Variants in GADL1 observed in about 807,000 individuals in gnomAD.
GADL1 encodes GAD like acidic amino acid decarboxylase 1.
A neutral mutation model predicts 69.5 loss-of-function variants in GADL1; 71 were observed. That is an observed-to-expected ratio of 1.02 (90% CI 0.84 to 1.25). GADL1 has a LOEUF of 1.25. GADL1 is among the 50% of genes most tolerant of loss of function. The pLI, the probability that GADL1 is intolerant of heterozygous loss-of-function variation, is 0.00. For missense variants in GADL1, 737 were observed against 631.8 expected (o/e 1.17, Z -1.79); for synonymous variants, 254 against 214.4 (o/e 1.18, Z -1.62).
chr3:30,838,949 A>C, intron 9 of GADL1, 48 bp downstream of exon 9: 1 of 1,157,346 alleles, frequency 8.6e-7, no homozygotes, highest in Non-Finnish European at 1.2e-6. Context: ...TACCAAGGCT[A>C]CAAAAAGACC....
intron 13 of GADL1, among the ~76,000 whole-genome samples, chr3:30,783,734 T>G (rs1696725663): frequency 6.6e-6 from 1 of 152,166 alleles, no homozygotes; most frequent in Admixed American, 6.6e-5. Flanking sequence ...CTGCACTGCT[T>G]GTGGGCCAGC....
At chr3:30,881,865 G>T (rs1372956462) in intron 1 of GADL1, among the ~76,000 whole-genome samples, 3 of 151,876 alleles carry the variant, frequency 2.0e-5, no homozygotes, top group Non-Finnish European at 4.4e-5. Context: ...ATGGGTGGGG[G>T]TTGAAGTTGT....
chr3:30,799,718 A>G (rs1332144541), intron 12 of GADL1: 1 of 152,132 alleles, frequency 6.6e-6, no homozygotes, highest in Non-Finnish European at 1.5e-5. Context: ...TTCCCTTTTA[A>G]AAGGGAATGC....
At chr3:30,816,727 G>C (rs1408614852) in intron 11 of GADL1, among the ~76,000 whole-genome samples, 1 of 151,034 alleles carries the variant, frequency 6.6e-6, no homozygotes. Flanking sequence ...TGTGTTTTTG[G>C]TAGAGACAGG....
Position 30,857,026 on chromosome 3 carries a change from C to T in GADL1, c.326G>A (p.Ser109Asn), listed in dbSNP as rs1378452234. 1.3e-6 allele frequency: 2 copies of T among 1,549,658 alleles called. No individual in the cohort carries two copies. Among genetic ancestry groups the T allele is most frequent in the Non-Finnish European group, 1.7e-6 (2 of 1,145,444 alleles). The change falls in exon 3 of 15, where the codon AGT becomes AAT. Residue 109 changes from serine (S) to asparagine (N), a missense_variant. Coordinates refer to ENST00000282538, the MANE Select transcript of GADL1 (RefSeq NM_207359.3). ...ATTAAAGTTCTTACTAGTTTTGACA[C>T]TGTAGTGTATGACATCCCGACAGAG... ...LELCRDVIHY[S>N]VKTNHPRFFN... is the part of the protein sequence containing the mutation.
chr3:30,749,886 C>G lies in GADL1; in HGVS notation c.1393-21471G>C, dbSNP rs1695775522. ...AAATGAAATGGGCTATCTGTCATAA[C>G]TGAAGAATAAACTGTGATGGAGATT... On this transcript the variant is annotated intron_variant, in intron 14 of 14. Coordinates refer to ENST00000282538, the MANE Select transcript of GADL1 (RefSeq NM_207359.3). Among the ~76,000 whole-genome samples, 13 of 152,290 alleles carry G rather than the reference C, an allele frequency of 8.5e-5. No homozygotes were observed. The South Asian group carries it at 2.7e-3, about 32-fold the overall frequency.
chr3:30,816,397 T>C (rs953467232), intron 11 of GADL1, among the ~76,000 whole-genome samples: 4 of 151,940 alleles, frequency 2.6e-5, no homozygotes, highest in Non-Finnish European at 5.9e-5. Context: ...TTAAAATCCC[T>C]CCATATGTGA....
At position 30,842,821 on chromosome 3, in the gene GADL1, T is replaced by TAAAAAAAA. The variant is rs1559358436; in HGVS notation, c.786+1388_786+1389insTTTTTTTT. On this transcript the variant is annotated intron_variant, in intron 8 of 14. Coordinates refer to ENST00000282538, the MANE Select transcript of GADL1 (RefSeq NM_207359.3). ...TAAAGTTCACTTGTCATTGGAATGT[T>TAAAAAAAA]TAAAAAAAAAAAAAAAAAAAAAGTA... Among the ~76,000 whole-genome samples, 34 of 66,438 alleles carry TAAAAAAAA rather than the reference T, an allele frequency of 5.1e-4. 1 individual carries two copies. Among genetic ancestry groups the TAAAAAAAA allele is most frequent in the Non-Finnish European group, 5.3e-4 (20 of 37,508 alleles). The allele number at this position is 66,438 out of a possible 152,430, so 43.6% of individuals were successfully genotyped here.
intron 14 of GADL1, among the ~76,000 whole-genome samples, chr3:30,739,716 C>T (rs1164905494): frequency 6.6e-6 from 1 of 152,168 alleles, no homozygotes; most frequent in Non-Finnish European, 1.5e-5. Context: ...CCTTACTTTA[C>T]TTCTGTCGCT....
At chr3:30,743,568 G>A (rs896165598) in intron 14 of GADL1, among the ~76,000 whole-genome samples, 2 of 152,112 alleles carry the variant, frequency 1.3e-5, no homozygotes, top group East Asian at 3.9e-4. Flanking sequence ...ACAAAACACA[G>A]AACAATAGCC....
chr3:30,792,962 A>G (rs1696953606), intron 12 of GADL1, among the ~76,000 whole-genome samples: 1 of 152,188 alleles, frequency 6.6e-6, no homozygotes, highest in South Asian at 2.1e-4. Flanking sequence ...GCAAGAGAGA[A>G]TGGTCCTTGG....
chr3:30,744,499 C>A (rs146196088), intron 14 of GADL1, among the ~76,000 whole-genome samples: 1 of 152,024 alleles, frequency 6.6e-6, no homozygotes, highest in Admixed American at 6.6e-5. Flanking sequence ...TCATTTAAGA[C>A]CAGGAGTTCA....
At chr3:30,768,766 G>A (rs941362579) in intron 14 of GADL1, among the ~76,000 whole-genome samples, 6 of 152,172 alleles carry the variant, frequency 3.9e-5, no homozygotes, top group Admixed American at 2.0e-4. Flanking sequence ...ATTTGACTTA[G>A]GTGAGTCTTT....
intron 9 of GADL1, among the ~76,000 whole-genome samples, chr3:30,835,511 A>G (rs1418488808): frequency 3.9e-5 from 6 of 152,002 alleles, no homozygotes; most frequent in Admixed American, 3.9e-4. Flanking sequence ...AGTACAGCAC[A>G]AGCAACTTTG....
intron 9 of GADL1, among the ~76,000 whole-genome samples, chr3:30,838,066 C>T (rs1279130362): frequency 1.3e-5 from 2 of 152,034 alleles, no homozygotes; most frequent in African/African-American, 4.8e-5. Context: ...ATCTAAACTA[C>T]AAAATTATGT....
intron 1 of GADL1, among the ~76,000 whole-genome samples, chr3:30,891,925 T>C (rs1275786993): frequency 6.6e-6 from 1 of 152,122 alleles, no homozygotes; most frequent in African/African-American, 2.4e-5. Context: ...AACATGCCAG[T>C]CTTATAATGG....
rs1695396374 is a variant in GADL1, at chr3:30,728,109, T to C, written c.*133A>G. The stretch of plus-strand genomic sequence containing the variant: ...AATATTCATTGCTTAGCATTTTGGT[T>C]TTGCTGGGCCTGGACTGGGAGTATT... On this transcript the variant is annotated 3_prime_UTR_variant, in exon 15 of 15. Coordinates refer to ENST00000282538, the MANE Select transcript of GADL1 (RefSeq NM_207359.3). 4.0e-6 allele frequency: 3 copies of C among 742,630 alleles called. No homozygotes were observed. The highest frequency in any genetic ancestry group is 6.7e-6 in the Non-Finnish European group (3 of 449,610). 46.0% of individuals were successfully genotyped at this position (742,630 alleles called of 1,614,324 possible).
At chr3:30,820,634 C>A (rs990583758) in intron 11 of GADL1, among the ~76,000 whole-genome samples, 1 of 152,040 alleles carries the variant, frequency 6.6e-6, no homozygotes, top group Non-Finnish European at 1.5e-5. Context: ...TTAGAAAAGC[C>A]ATTGATGGGG....
At chr3:30,763,386 C>A (rs1240085654) in intron 14 of GADL1, among the ~76,000 whole-genome samples, 1 of 147,508 alleles carries the variant, frequency 6.8e-6, no homozygotes, top group Non-Finnish European at 1.5e-5. Flanking sequence ...GCCTGTAGTC[C>A]CAGCTACTTG....
Sources: gnomAD v4.1 joint callset for allele counts (sites outside exome capture counted in the v4.1 genomes callset) on GRCh38, gnomAD v4.1.1 for gene constraint, MANE v1.5 for transcripts, NCBI Gene and HGNC (gene_info 2026-07-23, HGNC 2026-07-21) for gene names.